Variants in PCDHB9 observed in about 807,000 individuals in gnomAD.
The protein encoded by PCDHB9 is protocadherin beta-9.
For synonymous variants in PCDHB9, 501 were observed against 439.7 expected (o/e 1.14, Z -1.75); for missense variants, 1,072 against 995.1 (o/e 1.08, Z -1.04).
Position 141,189,726 on chromosome 5 carries a change from A to G in PCDHB9, c.*14A>G. 1 of 1,547,396 alleles carries G rather than the reference A, an allele frequency of 6.5e-7. No homozygotes were observed. The highest frequency in any genetic ancestry group is 8.7e-7 in the Non-Finnish European group (1 of 1,146,080). ...TTTAATTATTGAAAGGAACCCACTT[A>G]ATAAAGACATTTACTTCTTTAATAT... is the stretch of plus-strand genomic sequence containing the variant. On this transcript the variant is annotated 3_prime_UTR_variant, in exon 1 of 1. Transcript: ENST00000316105.
Position 141,190,178 on chromosome 5 carries a change from G to GTTTTTTTTTTTTT in PCDHB9, c.*469_*470insTTTTTTTTTTTTT, listed in dbSNP as rs202035487. 1 of 124,998 alleles carries GTTTTTTTTTTTTT rather than the reference G, an allele frequency of 8.0e-6. No individual in the cohort carries two copies. Among genetic ancestry groups the GTTTTTTTTTTTTT allele is most frequent in the African/African-American group, 2.9e-5 (1 of 34,350 alleles). The allele number at this position is 124,998 out of a possible 1,614,324, so 7.7% of individuals were successfully genotyped here. On this transcript the variant is annotated 3_prime_UTR_variant, in exon 1 of 1. Transcript: ENST00000316105. ...TGTTTGTTTGTTTGTTTTTTGGTTT[G>GTTTTTTTTTTTTT]TTTGTTTTTTTTTTTTTTGAGACGG...
rs782456111 is a variant in PCDHB9 at position 141,187,960 on chromosome 5, G to A, written c.642G>A (p.Ala214=). The change falls in exon 1 of 1, where the codon GCG becomes GCA. Residue 214 remains alanine (A), a synonymous_variant. Coordinates refer to ENST00000316105, the MANE Select transcript of PCDHB9 (RefSeq NM_019119.5). Reference sequence around the variant, plus strand: ...AAGAGCTCAGCTTAACCCTCACAGCGCTGGATGGTGGGTCTCCATCCAGGT... The same window carrying A: ...AAGAGCTCAGCTTAACCCTCACAGCACTGGATGGTGGGTCTCCATCCAGGT... ...EQEELSLTLT[A]LDGGSPSRSG... 3.1e-6 allele frequency: 5 copies of A among 1,614,024 alleles called. No individual in the cohort carries two copies. Among genetic ancestry groups the A allele is most frequent in the Non-Finnish European group, 4.2e-6 (5 of 1,180,030 alleles).
chr5:141,187,304 AG>A lies in PCDHB9; in HGVS notation c.-13del. On this transcript the variant is annotated 5_prime_UTR_variant, in exon 1 of 1. Coordinates refer to ENST00000316105, the MANE Select transcript of PCDHB9 (RefSeq NM_019119.5). ...GGCAGTGTGATTGAGACTGACATTG[AG>A]GAAAGAAGCAGCTATGAAGACCAGG... The A allele has an allele frequency of 6.2e-7, 1 of 1,608,418 alleles. No homozygotes were observed. Among genetic ancestry groups the A allele is most frequent in the South Asian group, 1.1e-5 (1 of 90,356 alleles).
In PCDHB9 at chr5:141,189,294, A is replaced by G; in HGVS notation, c.1976A>G (p.His659Arg). ...EPPRSATATL[H>R]VLLVDGFSQP... ...CCTCGCTCGGCCACCGCCACGCTGC[A>G]CGTGCTCCTGGTGGACGGCTTCTCC... The change falls in exon 1 of 1, where the codon CAC becomes CGC. Residue 659 changes from histidine (H) to arginine (R), a missense_variant. His to Arg is a conservative substitution (Grantham distance 29). Coordinates refer to ENST00000316105, the MANE Select transcript of PCDHB9 (RefSeq NM_019119.5). The G allele has an allele frequency of 1.9e-6, 3 of 1,609,534 alleles. No individual in the cohort carries two copies. The highest frequency in any genetic ancestry group is 2.5e-6 in the Non-Finnish European group (3 of 1,179,734).
rs534353091 is a variant in PCDHB9, at chr5:141,187,208, G to A, written c.-111G>A. 23 of 1,305,910 alleles carry A rather than the reference G, an allele frequency of 1.8e-5. No individual in the cohort carries two copies. The Admixed American group carries it at 3.1e-4, about 18-fold the overall frequency. The allele number at this position is 1,305,910 out of a possible 1,614,324, so 80.9% of individuals were successfully genotyped here. The stretch of plus-strand genomic sequence containing the variant: ...GAAGAGCTGTCGAGTCCCTGATTGG[G>A]AAAGGAAAAATTAAAAACCCTAGAT... On this transcript the variant is annotated 5_prime_UTR_variant, in exon 1 of 1. Transcript: ENST00000316105.
Position 141,187,970 on chromosome 5 carries a change from G to T in PCDHB9, c.652G>T (p.Gly218Trp), listed in dbSNP as rs782650356. 2 of 1,614,034 alleles carry T rather than the reference G, an allele frequency of 1.2e-6. No homozygotes were observed. Among genetic ancestry groups the T allele is most frequent in the South Asian group, 1.1e-5 (1 of 91,076 alleles). ...LSLTLTALDG[G>W]SPSRSGTSTI... ...CTTAACCCTCACAGCGCTGGATGGT[G>T]GGTCTCCATCCAGGTCTGGGACCTC... The change falls in exon 1 of 1, where the codon GGG becomes TGG. Residue 218 changes from glycine (G) to tryptophan (W), a missense_variant. Gly to Trp is a radical substitution (Grantham distance 184). Transcript: ENST00000316105.
In PCDHB9 at chr5:141,189,567, A is replaced by G. The variant is rs1554283401; in HGVS notation, c.2249A>G (p.Gln750Arg). The part of the protein sequence containing the change: ...SGTGTLFQSY[Q>R]YEVCLTGGSE... ...ACCGGGACCCTGTTCCAGAGCTACC[A>G]GTACGAGGTGTGTCTGACTGGAGGT... The change falls in exon 1 of 1, where the codon CAG (glutamine) becomes CGG (arginine). Residue 750 changes from glutamine to arginine, a missense_variant. Coordinates refer to ENST00000316105, the MANE Select transcript of PCDHB9 (RefSeq NM_019119.5). 2.5e-6 allele frequency: 4 copies of G among 1,614,072 alleles called. No homozygotes were observed. The highest frequency in any genetic ancestry group is 2.2e-5 in the East Asian group (1 of 44,860).
chr5:141,188,583 C>A lies in PCDHB9; in HGVS notation c.1265C>A (p.Thr422Asn), dbSNP rs116806026. The A allele has an allele frequency of 9.9e-4, 1,596 of 1,614,210 alleles. 19 individuals are homozygous for A. The African/African-American group carries it at 0.018, about 19-fold the overall frequency. The change falls in exon 1 of 1, where the codon ACC becomes AAC. Residue 422 changes from threonine to asparagine, a missense_variant. Thr to Asn is a moderately conservative substitution (Grantham distance 65). Coordinates refer to ENST00000316105, the MANE Select transcript of PCDHB9 (RefSeq NM_019119.5). ...AAAGCTGAGTACAACATCACCATCA[C>A]CGTCACTGACTTGGGGACACCCAGG... ...ESKAEYNITI[T>N]VTDLGTPRLK...
In PCDHB9 at chr5:141,189,263, G is replaced by T. The variant is rs1554283289; in HGVS notation, c.1945G>T (p.Glu649Ter). 2.5e-6 allele frequency: 4 copies of T among 1,607,752 alleles called. No individual in the cohort carries two copies. The highest frequency in any genetic ancestry group is 3.4e-6 in the Non-Finnish European group (4 of 1,179,710). The change falls in exon 1 of 1, where the codon GAG (glutamate) becomes TAG (stop). Residue 649 changes from glutamate to a stop codon, truncating the protein, a stop_gained. Coordinates refer to ENST00000316105, the MANE Select transcript of PCDHB9 (RefSeq NM_019119.5). LOFTEE classifies it low-confidence loss of function (END_TRUNC). The part of the protein sequence containing the change: ...RLVVLVKDNG[E>*]PPRSATATLH... Reference sequence around the variant, plus strand: ...GGTGGTGCTTGTCAAGGACAATGGCGAGCCTCCTCGCTCGGCCACCGCCAC... The same window carrying T: ...GGTGGTGCTTGTCAAGGACAATGGCTAGCCTCCTCGCTCGGCCACCGCCAC...
Position 141,188,042 on chromosome 5 carries a change from T to C in PCDHB9, c.724T>C (p.Phe242Leu). The change falls in exon 1 of 1, where the codon TTT becomes CTT. Residue 242 changes from phenylalanine (F) to leucine (L), a missense_variant. Coordinates refer to ENST00000316105, the MANE Select transcript of PCDHB9 (RefSeq NM_019119.5). ...VLDVNDNVPQ[F>L]AQALYETQAP... ...GGATGTCAATGACAATGTCCCACAG[T>C]TTGCCCAGGCTCTGTATGAGACCCA... 6.2e-7 allele frequency: 1 copy of C among 1,614,052 alleles called. No homozygotes were observed.
At position 141,188,349 on chromosome 5, in the gene PCDHB9, C is replaced by A. The variant is rs782554981; in HGVS notation, c.1031C>A (p.Pro344His). 6.2e-7 allele frequency: 1 copy of A among 1,614,076 alleles called. No homozygotes were observed. Among genetic ancestry groups the A allele is most frequent in the Admixed American group, 1.7e-5 (1 of 60,008 alleles). The change falls in exon 1 of 1, where the codon CCT becomes CAT. Residue 344 changes from proline to histidine, a missense_variant. Physicochemically the swap from Pro to His is moderately conservative, Grantham distance 77. Transcript: ENST00000316105. ...LIKVLDSNDN[P>H]PELIISSLSN... The stretch of plus-strand genomic sequence containing the variant: ...AAAGTATTAGATTCCAATGACAATC[C>A]TCCTGAACTGATCATATCATCACTT...
chr5:141,188,918 T>C lies in PCDHB9; in HGVS notation c.1600T>C (p.Ser534Pro). 6.2e-7 allele frequency: 1 copy of C among 1,612,114 alleles called. No individual in the cohort carries two copies. The highest frequency in any genetic ancestry group is 8.5e-7 in the Non-Finnish European group (1 of 1,179,842). Residue 534 changes from serine to proline, a missense_variant, in exon 1 of 1, where the codon TCA (serine) becomes CCA (proline). Physicochemically the swap from Ser to Pro is moderately conservative, Grantham distance 74. Coordinates refer to ENST00000316105, the MANE Select transcript of PCDHB9 (RefSeq NM_019119.5). ...LQAFDFRVGA[S>P]DRGSPALSSE... ...GGCTTTCGACTTCCGCGTGGGCGCC[T>C]CAGACCGCGGCTCCCCGGCTTTGAG...
Position 141,189,582 on chromosome 5 carries a change from T to G in PCDHB9, c.2264T>G (p.Leu755Arg), listed in dbSNP as rs373687582. The change falls in exon 1 of 1, where the codon CTG becomes CGG. Residue 755 changes from leucine (L) to arginine (R), a missense_variant. By Grantham distance (102) the Leu-to-Arg change is moderately radical. Transcript: ENST00000316105. ...CAGAGCTACCAGTACGAGGTGTGTC[T>G]GACTGGAGGTTCAGAGACCGGCGAG... ...LFQSYQYEVC[L>R]TGGSETGEFK... The G allele has an allele frequency of 1.9e-6, 3 of 1,614,118 alleles. No individual in the cohort carries two copies. The highest frequency in any genetic ancestry group is 2.5e-6 in the Non-Finnish European group (3 of 1,180,018).
rs551800428 is a variant in PCDHB9 at position 141,187,688 on chromosome 5, A to C, written c.370A>C (p.Arg124=). ...GATTTACCGGGCTGAGCTGAGAGTCAGGGATATAAATGATCACTCGCCAGT... is the reference window on the plus strand; with the variant it reads ...GATTTACCGGGCTGAGCTGAGAGTCCGGGATATAAATGATCACTCGCCAGT... ...FQIYRAELRV[R]DINDHSPVFR... The change falls in exon 1 of 1, where the codon AGG becomes CGG. Residue 124 remains arginine (R), a synonymous_variant. Transcript: ENST00000316105. 6 of 1,614,158 alleles carry C rather than the reference A, an allele frequency of 3.7e-6. No individual in the cohort carries two copies. The East Asian group carries it at 1.3e-4, about 36-fold the overall frequency.
Position 141,189,723 on chromosome 5 carries a change from C to G in PCDHB9, c.*11C>G. On this transcript the variant is annotated 3_prime_UTR_variant, in exon 1 of 1. Coordinates refer to ENST00000316105, the MANE Select transcript of PCDHB9 (RefSeq NM_019119.5). ...GGATTTAATTATTGAAAGGAACCCA[C>G]TTAATAAAGACATTTACTTCTTTAA... 1.3e-6 allele frequency: 2 copies of G among 1,552,236 alleles called. No individual in the cohort carries two copies. The highest frequency in any genetic ancestry group is 1.2e-5 in the South Asian group (1 of 82,002).
rs375451111 is a variant in PCDHB9 at position 141,188,015 on chromosome 5, T to C, written c.697T>C (p.Leu233=). The C allele has an allele frequency of 1.2e-6, 2 of 1,614,086 alleles. No homozygotes were observed. The highest frequency in any genetic ancestry group is 1.1e-5 in the South Asian group (1 of 91,072). ...SGTSTIRIVV[L]DVNDNVPQFA... The stretch of plus-strand genomic sequence containing the variant: ...GACCTCCACTATACGCATTGTGGTC[T>C]TGGATGTCAATGACAATGTCCCACA... The change falls in exon 1 of 1, where the codon TTG becomes CTG. Residue 233 remains leucine, a synonymous_variant. Transcript: ENST00000316105.
rs782030639 is a variant in PCDHB9, at chr5:141,188,938, T to G, written c.1620T>G (p.Ala540=). The change falls in exon 1 of 1, where the codon GCT becomes GCG. Residue 540 remains alanine (A), a synonymous_variant. Transcript: ENST00000316105. ...GCGCCTCAGACCGCGGCTCCCCGGCTTTGAGCAGCGAGGCGCTGGTGCGCG... is the reference window on the plus strand; with the variant it reads ...GCGCCTCAGACCGCGGCTCCCCGGCGTTGAGCAGCGAGGCGCTGGTGCGCG... ...RVGASDRGSP[A]LSSEALVRVL... 3.0e-5 allele frequency: 49 copies of G among 1,611,746 alleles called. No homozygotes were observed. The highest frequency in any genetic ancestry group is 2.2e-4 in the Middle Eastern group (1 of 4,540).
Position 141,188,519 on chromosome 5 carries a change from T to A in PCDHB9, c.1201T>A (p.Tyr401Asn). ...TCTGAAACCGTCTGTTGACAATTTT[T>A]ACATCCTAATGACTGAAGGTGCACT... ...FFLKPSVDNF[Y>N]ILMTEGALDR... The change falls in exon 1 of 1, where the codon TAC (tyrosine) becomes AAC (asparagine). Residue 401 changes from tyrosine (Y) to asparagine (N), a missense_variant. Transcript: ENST00000316105. The A allele has an allele frequency of 6.2e-7, 1 of 1,614,194 alleles. No homozygotes were observed.
chr5:141,187,456 C>T lies in PCDHB9; in HGVS notation c.138C>T (p.Val46=). 1 of 1,613,746 alleles carries T rather than the reference C, an allele frequency of 6.2e-7. No homozygotes were observed. Among genetic ancestry groups the T allele is most frequent in the Non-Finnish European group, 8.5e-7 (1 of 1,179,892 alleles). The part of the protein sequence containing the change: ...TEETEKGSFV[V]NLAKDLGLAE... ...AAACAGAGAAAGGATCCTTTGTGGTCAATCTGGCAAAGGATCTGGGACTAG... is the reference window on the plus strand; with the variant it reads ...AAACAGAGAAAGGATCCTTTGTGGTTAATCTGGCAAAGGATCTGGGACTAG... The change falls in exon 1 of 1, where the codon GTC becomes GTT. Residue 46 remains valine (V), a synonymous_variant. Coordinates refer to ENST00000316105, the MANE Select transcript of PCDHB9 (RefSeq NM_019119.5).
Sources: allele counts gnomAD v4.1 joint callset, GRCh38; gene constraint gnomAD v4.1.1; transcripts MANE v1.5; gene names NCBI Gene and HGNC (gene_info 2026-07-23, HGNC 2026-07-21).